ABLIM3: variants seen among roughly 807,000 people sequenced by gnomAD.
The protein encoded by ABLIM3 is actin-binding LIM protein 3.
ABLIM3 carries 61 observed loss-of-function variants against 109.5 expected under a neutral mutation model. The ratio of observed to expected loss-of-function variants is 0.56; its 90% CI spans 0.45 to 0.69. ABLIM3 has a LOEUF of 0.69. Among genes scored for constraint, ABLIM3 ranks in the 30% least tolerant of loss-of-function variants. The pLI, the probability that ABLIM3 is intolerant of heterozygous loss-of-function variation, is 0.00. For missense variants in ABLIM3, 796 were observed against 889.5 expected (o/e 0.89, Z 1.34); for synonymous variants, 300 against 324.8 (o/e 0.92, Z 0.82).
At chr5:149,184,765 A>G (rs1581073304) in intron 3 of ABLIM3, among the ~76,000 whole-genome samples, 1 of 152,190 alleles carries the variant, frequency 6.6e-6, no homozygotes, top group Non-Finnish European at 1.5e-5. Flanking sequence ...TATTTCAGTA[A>G]CTGCCTCAGT....
intron 15 of ABLIM3, 151 bp from the exon 16 acceptor site, chr5:149,244,730 C>G: frequency 1.0e-6 from 1 of 957,380 alleles, no homozygotes. Flanking sequence ...TTTCCAGCTC[C>G]GATGCTCCAT....
At chr5:149,162,151 C>G (rs1403266806) in intron 2 of ABLIM3, among the ~76,000 whole-genome samples, 1 of 152,200 alleles carries the variant, frequency 6.6e-6, no homozygotes, top group Admixed American at 6.5e-5. Flanking sequence ...ATGCCTTCCT[C>G]CCTTGACTGT....
chr5:149,200,251 G>A (rs753840274), intron 4 of ABLIM3, 65 bp from the exon 5 acceptor site: 13 of 1,400,308 alleles, frequency 9.3e-6, no homozygotes, highest in Non-Finnish European at 1.3e-5. Flanking sequence ...TTGAGCACAT[G>A]TGTGGTCAGC....
rs1309522221 is a variant in ABLIM3, at chr5:149,183,479, C to A, written c.41C>A (p.Pro14Gln). The change falls in exon 3 of 24, where the codon CCA becomes CAA. Residue 14 changes from proline (P) to glutamine (Q), a missense_variant. Physicochemically the swap from Pro to Gln is moderately conservative, Grantham distance 76. Coordinates refer to ENST00000309868, the MANE Select transcript of ABLIM3 (RefSeq NM_014945.5). ...SIPYQQNPYN[P>Q]RGSSNVIQCY... is the part of the protein sequence containing the mutation. ...CCTTATCAGCAGAATCCTTACAATC[C>A]ACGGGGCAGCTCCAATGTCATCCAG... 6 of 1,579,910 alleles carry A rather than the reference C, an allele frequency of 3.8e-6. No individual in the cohort carries two copies. The highest frequency in any genetic ancestry group is 5.2e-6 in the Non-Finnish European group (6 of 1,163,990).
chr5:149,259,040 A>T lies in ABLIM3; in HGVS notation c.*636A>T, dbSNP rs972626502. 4.0e-6 allele frequency: 4 copies of T among 1,005,614 alleles called. No individual in the cohort carries two copies. The highest frequency in any genetic ancestry group is 4.7e-6 in the Non-Finnish European group (4 of 842,222). 62.3% of individuals were successfully genotyped at this position (1,005,614 alleles called of 1,614,324 possible). The stretch of plus-strand genomic sequence containing the variant: ...CCTCCTCCTTCTGCCCTGGATTGTA[A>T]CCTCTCCCTTGTCCAAATCTAGGAT... On this transcript the variant is annotated 3_prime_UTR_variant, in exon 24 of 24. Coordinates refer to ENST00000309868, the MANE Select transcript of ABLIM3 (RefSeq NM_014945.5).
At chr5:149,167,142 A>G (rs1172728264) in intron 2 of ABLIM3, among the ~76,000 whole-genome samples, 1 of 152,192 alleles carries the variant, frequency 6.6e-6, no homozygotes, top group Non-Finnish European at 1.5e-5. Flanking sequence ...GGAATCCCTG[A>G]AAGTCCCTGA....
At chr5:149,229,436 T>G (rs1007364186) in intron 8 of ABLIM3, among the ~76,000 whole-genome samples, 2 of 152,306 alleles carry the variant, frequency 1.3e-5, no homozygotes, top group African/African-American at 4.8e-5. Flanking sequence ...ATGAGGAAAC[T>G]GGGACCCAGA....
intron 13 of ABLIM3, 119 bp downstream of exon 13, chr5:149,240,007 C>T (rs1752645749): frequency 7.1e-7 from 1 of 1,399,280 alleles, no homozygotes; most frequent in Non-Finnish European, 9.4e-7. Context: ...GTGTGGCCCT[C>T]TGGAGGCCTA....
chr5:149,161,719 CCA>C (rs1200415826), intron 2 of ABLIM3, among the ~76,000 whole-genome samples: 1 of 152,136 alleles, frequency 6.6e-6, no homozygotes, highest in African/African-American at 2.4e-5. Context: ...TGTTTGAATG[CCA>C]CACTTAGCTG....
At chr5:149,252,118 A>C in intron 21 of ABLIM3, 83 bp from the exon 22 acceptor site, 2 of 1,515,588 alleles carry the variant, frequency 1.3e-6, no homozygotes, top group Non-Finnish European at 1.8e-6. Context: ...CCCCTGAGAG[A>C]GTAGGACAGA....
At position 149,230,511 on chromosome 5, in the gene ABLIM3, G is replaced by T. The variant is rs1761742758; in HGVS notation, c.758-138G>T. ...TAGGTCTGAGAGGTGCCAGGAGGGA[G>T]CTGGGAAAGCCAAGAGGGCCCTTCT... On this transcript the variant is annotated intron_variant, in intron 8 of 23. Coordinates refer to ENST00000309868, the MANE Select transcript of ABLIM3 (RefSeq NM_014945.5). The T allele has an allele frequency of 8.4e-6, 7 of 829,384 alleles. No homozygotes were observed. The South Asian group carries it at 1.0e-4, about 12-fold the overall frequency. 51.4% of individuals were successfully genotyped at this position (829,384 alleles called of 1,614,324 possible).
chr5:149,215,690 C>T (rs1036600039), intron 7 of ABLIM3, among the ~76,000 whole-genome samples: 2 of 152,200 alleles, frequency 1.3e-5, no homozygotes, highest in Non-Finnish European at 2.9e-5. Flanking sequence ...TTACCCTCCC[C>T]CAAAGAAAAC....
chr5:149,251,231 G>A (rs1483884702), intron 20 of ABLIM3, 128 bp from the exon 21 acceptor site: 3 of 964,892 alleles, frequency 3.1e-6, no homozygotes, highest in African/African-American at 3.2e-5. Flanking sequence ...TCCCTAACTT[G>A]AGACAGAGGC....
chr5:149,188,888 A>C (rs1757223314), intron 3 of ABLIM3, among the ~76,000 whole-genome samples: 1 of 152,254 alleles, frequency 6.6e-6, no homozygotes, highest in Admixed American at 6.5e-5. Flanking sequence ...ATGGAATTTC[A>C]AGGGACGGAC....
intron 8 of ABLIM3, among the ~76,000 whole-genome samples, chr5:149,222,991 A>G (rs1760812482): frequency 6.6e-6 from 1 of 152,130 alleles, no homozygotes; most frequent in African/African-American, 2.4e-5. Flanking sequence ...ATGTTTCCCC[A>G]ATCCTACTAC....
intron 2 of ABLIM3, 41 bp from the exon 3 acceptor site, chr5:149,183,411 A>T: frequency 5.4e-6 from 8 of 1,477,320 alleles, no homozygotes; most frequent in Non-Finnish European, 7.2e-6. Context: ...TTTGTAAAGA[A>T]TCAGGGCCTC....
chr5:149,202,288 GGAA>G (rs1758567417), intron 5 of ABLIM3, among the ~76,000 whole-genome samples: 1 of 152,182 alleles, frequency 6.6e-6, no homozygotes, highest in Admixed American at 6.5e-5. Context: ...ATTAGGAGGT[GGAA>G]GAAGGTGAGG....
intron 2 of ABLIM3, among the ~76,000 whole-genome samples, chr5:149,159,859 G>A (rs948875739): frequency 2.6e-5 from 4 of 152,268 alleles, no homozygotes; most frequent in African/African-American, 9.6e-5. Flanking sequence ...AACTCACCAT[G>A]TGCTTTCTAG....
At chr5:149,232,508 C>G (rs1271626519) in intron 9 of ABLIM3, among the ~76,000 whole-genome samples, 1 of 152,164 alleles carries the variant, frequency 6.6e-6, no homozygotes, top group African/African-American at 2.4e-5. Flanking sequence ...ATTTAGGAAA[C>G]TTTATAGCCC....
Sources: allele counts gnomAD v4.1 joint callset (sites outside exome capture counted in the v4.1 genomes callset), GRCh38; gene constraint gnomAD v4.1.1; transcripts MANE v1.5; gene names NCBI Gene and HGNC (gene_info 2026-07-23, HGNC 2026-07-21).